DMXL1: variants seen among roughly 807,000 people sequenced by gnomAD.
The protein encoded by DMXL1 is dmX-like protein 1.
Under a neutral mutation model 319.2 loss-of-function variants are expected in DMXL1, and 99 were observed. The observed-to-expected ratio is 0.31, with a 90% confidence interval of 0.26 to 0.37. The LOEUF (loss-of-function observed/expected upper bound fraction) is 0.37. DMXL1 is among the 10% of genes least tolerant of loss of function. The pLI, the probability that DMXL1 is intolerant of heterozygous loss-of-function variation, is 1.00. For synonymous variants in DMXL1, 1,385 were observed against 1,235.2 expected, an observed-to-expected ratio of 1.12 and a Z score of -2.54; for missense variants, 3,745 against 3,595.6, an observed-to-expected ratio of 1.04 and a Z score of -1.06.
chr5:119,136,124 G>T (rs1765938384), intron 13 of DMXL1, among the ~76,000 whole-genome samples: 1 of 152,246 alleles, frequency 6.6e-6, no homozygotes. Context: ...AACTTACTGG[G>T]ATCTGGAGCA....
chr5:119,244,460 C>T lies in DMXL1; in HGVS notation c.8806C>T (p.Leu2936Phe), dbSNP rs1226035010. Residue 2936 changes from leucine to phenylalanine, a missense_variant, in exon 43 of 44, where the codon CTT becomes TTT. Around this residue, in one of 4 missense-constraint regions of DMXL1, gnomAD observed 262 missense variants for 320.5 expected, o/e 0.82. Transcript: ENST00000539542. ...AAAAGGTTTTACATATGTATTTGAC[C>T]TTTGTCAACGACAACAGAGGCAGCT... ...GRKGFTYVFD[L>F]CQRQQRQLFQ... is the part of the protein sequence containing the mutation. The T allele has an allele frequency of 8.7e-6, 14 of 1,614,070 alleles. No homozygotes were observed. The highest frequency in any genetic ancestry group is 1.1e-5 in the Non-Finnish European group (13 of 1,180,008).
intron 33 of DMXL1, among the ~76,000 whole-genome samples, chr5:119,204,643 A>G (rs1052906713): frequency 6.6e-6 from 1 of 151,098 alleles, no homozygotes; most frequent in African/African-American, 2.4e-5. Context: ...TTCATTGGGT[A>G]AGTTTTGTTA....
intron 2 of DMXL1, among the ~76,000 whole-genome samples, chr5:119,101,556 T>TGACA (rs1757283770): frequency 6.6e-6 from 1 of 152,246 alleles, no homozygotes; most frequent in African/African-American, 2.4e-5. Context: ...TAATGTACAC[T>TGACA]GACAGAATTG....
intron 28 of DMXL1, among the ~76,000 whole-genome samples, chr5:119,184,162 C>G (rs1231787062): frequency 6.6e-6 from 1 of 151,634 alleles, no homozygotes; most frequent in African/African-American, 2.4e-5. Context: ...CTCAAGTGAT[C>G]CTTCCACCTC....
intron 1 of DMXL1, among the ~76,000 whole-genome samples, chr5:119,092,898 G>A (rs1478060246): frequency 6.6e-6 from 1 of 152,206 alleles, no homozygotes; most frequent in Non-Finnish European, 1.5e-5. Flanking sequence ...GCCATTGACA[G>A]TTGATGGACA....
intron 9 of DMXL1, among the ~76,000 whole-genome samples, chr5:119,128,724 T>G (rs1429938474): frequency 1.3e-5 from 2 of 152,126 alleles, no homozygotes; most frequent in Non-Finnish European, 2.9e-5. Context: ...GCTGTACCTT[T>G]GAATTTTGCT....
chr5:119,151,977 G>A lies in DMXL1; in HGVS notation c.4643G>A (p.Arg1548Gln), dbSNP rs995973636. 6.2e-7 allele frequency: 1 copy of A among 1,612,836 alleles called. No homozygotes were observed. Among genetic ancestry groups the A allele is most frequent in the Non-Finnish European group, 8.5e-7 (1 of 1,179,414 alleles). The part of the protein sequence containing the change: ...ECGLKFLLAV[R>Q]LHTFLTTSLP... The stretch of plus-strand genomic sequence containing the variant: ...GGGTTAAAATTTCTTTTGGCTGTTC[G>A]ACTCCATACCTTTCTTACAACTTCC... Residue 1548 changes from arginine (R) to glutamine (Q), a missense_variant, in exon 19 of 44, where the codon CGA becomes CAA. By Grantham distance (43) the Arg-to-Gln change is conservative. This residue lies in a region of DMXL1 where 2,096 missense variants were observed against 1,985.4 expected (regional missense o/e 1.06). Coordinates refer to ENST00000539542, the MANE Select transcript of DMXL1 (RefSeq NM_001290321.3).
chr5:119,156,826 A>G (rs1338524488), intron 19 of DMXL1, among the ~76,000 whole-genome samples: 2 of 152,132 alleles, frequency 1.3e-5, no homozygotes, highest in South Asian at 4.1e-4. Context: ...CCACTTCTTT[A>G]TGAAAACTGT....
intron 5 of DMXL1, among the ~76,000 whole-genome samples, chr5:119,113,382 C>T (rs1561612169): frequency 2.0e-5 from 3 of 152,196 alleles, no homozygotes; most frequent in Middle Eastern, 3.4e-3. Flanking sequence ...GCTGGGATTA[C>T]GGGGGCATGC....
chr5:119,113,467 T>C (rs963102992), intron 5 of DMXL1, among the ~76,000 whole-genome samples: 4 of 152,204 alleles, frequency 2.6e-5, no homozygotes, highest in Non-Finnish European at 5.9e-5. Flanking sequence ...GGTCTCGAAC[T>C]CCTGACCTTG....
At chr5:119,232,657 A>G (rs764005929) in intron 38 of DMXL1, among the ~76,000 whole-genome samples, 114 of 152,262 alleles carry the variant, frequency 7.5e-4, no homozygotes, top group Non-Finnish European at 1.0e-3. Flanking sequence ...AAGAATCAAT[A>G]GTCATTTATC....
chr5:119,076,197 T>G (rs1218801249), intron 1 of DMXL1, among the ~76,000 whole-genome samples: 1 of 152,176 alleles, frequency 6.6e-6, no homozygotes, highest in Non-Finnish European at 1.5e-5. Flanking sequence ...ATTAGAAAAC[T>G]CAGTGTTTCT....
intron 7 of DMXL1, among the ~76,000 whole-genome samples, chr5:119,117,777 C>T (rs917711075): frequency 5.3e-5 from 8 of 152,178 alleles, no homozygotes; most frequent in Middle Eastern, 3.4e-3. Context: ...AAGGAGAGAG[C>T]AACCAATACA....
intron 19 of DMXL1, among the ~76,000 whole-genome samples, chr5:119,158,168 A>G (rs926374678): frequency 6.7e-6 from 1 of 149,700 alleles, no homozygotes; most frequent in Non-Finnish European, 1.5e-5. Flanking sequence ...CTAGGATTAC[A>G]GATGTGAGCC....
At chr5:119,204,872 T>C (rs1046284131) in intron 33 of DMXL1, among the ~76,000 whole-genome samples, 5 of 152,324 alleles carry the variant, frequency 3.3e-5, no homozygotes, top group Admixed American at 2.0e-4. Flanking sequence ...GGCTTCACAA[T>C]AGACAAGTAA....
intron 13 of DMXL1, among the ~76,000 whole-genome samples, chr5:119,141,353 T>A (rs933220225): frequency 6.6e-6 from 1 of 152,144 alleles, no homozygotes. Context: ...TAGATAACCC[T>A]ATGTCTTGGC....
chr5:119,106,397 G>A (rs958116116), intron 4 of DMXL1, among the ~76,000 whole-genome samples: 5 of 152,190 alleles, frequency 3.3e-5, no homozygotes, highest in Admixed American at 1.3e-4. Context: ...CATCAACACA[G>A]AGAGACATAA....
chr5:119,221,818 CTTAAG>C (rs1209367062), intron 37 of DMXL1, among the ~76,000 whole-genome samples: 94 of 150,214 alleles, frequency 6.3e-4, no homozygotes, highest in African/African-American at 2.0e-3. Context: ...TATATAATTT[CTTAAG>C]TTAAGCAAAA....
intron 9 of DMXL1, among the ~76,000 whole-genome samples, chr5:119,122,083 G>C (rs1393030665): frequency 6.9e-6 from 1 of 145,762 alleles, no homozygotes; most frequent in Non-Finnish European, 1.5e-5. Context: ...TGGCCGGGCG[G>C]GGGGCTGACC....
Sources: gnomAD v4.1 joint callset for allele counts (sites outside exome capture counted in the v4.1 genomes callset) on GRCh38, gnomAD v4.1.1 for gene constraint, gnomAD v4.1.1 regional missense constraint, MANE v1.5 for transcripts, NCBI Gene and HGNC (gene_info 2026-07-23, HGNC 2026-07-21) for gene names.